EPHB1: variants seen among roughly 807,000 people sequenced by gnomAD.
EPHB1 encodes EPH receptor B1, also known as ephrin type-B receptor 1.
In EPHB1, 30 loss-of-function variants were observed where a neutral mutation model predicts 94.4. The observed-to-expected ratio is 0.32, with a 90% CI of 0.24 to 0.43. EPHB1 has a LOEUF of 0.43. Ranked by LOEUF, EPHB1 falls within the 20% of genes least tolerant of loss-of-function variation. The pLI, the probability that EPHB1 is intolerant of heterozygous loss-of-function variation, is 1.00. For synonymous variants in EPHB1, 522 were observed against 489.1 expected, an observed-to-expected ratio of 1.07 and a Z score of -0.89; for missense variants, 1,055 against 1,308.3, an observed-to-expected ratio of 0.81 and a Z score of 2.99.
At chr3:135,132,608 G>A in intron 4 of EPHB1, 106 bp from the exon 5 acceptor site, 1 of 961,732 alleles carries the variant, frequency 1.0e-6, no homozygotes, top group Non-Finnish European at 1.5e-6. Flanking sequence ...AGGAGTGGGA[G>A]GCGAGCGCAC....
intron 3 of EPHB1, among the ~76,000 whole-genome samples, chr3:135,072,197 A>G (rs901554765): frequency 1.3e-5 from 2 of 152,152 alleles, no homozygotes; most frequent in African/African-American, 4.8e-5. Flanking sequence ...CCTGGCCAAC[A>G]TGGTGAAACC....
intron 1 of EPHB1, among the ~76,000 whole-genome samples, chr3:134,901,999 G>A (rs902168838): frequency 6.6e-6 from 1 of 152,214 alleles, no homozygotes; most frequent in African/African-American, 2.4e-5. Context: ...TGGAGGAGGA[G>A]GGAAAGGGAG....
At chr3:134,930,310 G>A (rs907813645) in intron 2 of EPHB1, among the ~76,000 whole-genome samples, 13 of 152,220 alleles carry the variant, frequency 8.5e-5, no homozygotes, top group Non-Finnish European at 1.9e-4. Flanking sequence ...CAGAAAGTAC[G>A]CCCAGATTAA....
chr3:134,961,514 A>G (rs1452992654), intron 3 of EPHB1, among the ~76,000 whole-genome samples: 2 of 152,216 alleles, frequency 1.3e-5, no homozygotes, highest in East Asian at 3.8e-4. Context: ...CATTTTGAAC[A>G]GGTAATATAT....
intron 1 of EPHB1, among the ~76,000 whole-genome samples, chr3:134,887,679 T>A (rs1404215693): frequency 6.6e-6 from 1 of 152,212 alleles, no homozygotes; most frequent in African/African-American, 2.4e-5. Context: ...TAAAGGAAAC[T>A]CAAGCTTTTG....
chr3:134,811,559 T>C (rs2036181087), intron 1 of EPHB1, among the ~76,000 whole-genome samples: 1 of 149,458 alleles, frequency 6.7e-6, no homozygotes, highest in Admixed American at 6.7e-5. Context: ...TTTTAAGACT[T>C]TTTTTTTTTC....
intron 5 of EPHB1, among the ~76,000 whole-genome samples, chr3:135,138,476 T>A (rs1015359059): frequency 2.0e-5 from 3 of 152,200 alleles, no homozygotes; most frequent in Non-Finnish European, 4.4e-5. Context: ...GATATTGCAA[T>A]ATATTGAGCT....
At position 135,256,579 on chromosome 3, in the gene EPHB1, G is replaced by A. The variant is rs533033210; in HGVS notation, c.2847-2433G>A. Among the ~76,000 whole-genome samples, 107 of 152,278 alleles carry A rather than the reference G, an allele frequency of 7.0e-4. 1 individual carries two copies. In the South Asian group the frequency reaches 9.1e-3, roughly 13 times the overall value. On this transcript the variant is annotated intron_variant, in intron 15 of 15. Transcript: ENST00000398015. The stretch of plus-strand genomic sequence containing the variant: ...TCTTCTGACTTGTAGGGTTTCTGCC[G>A]AGAGATCTGCTGTTAGTCTGATGGG...
rs147494499 is a variant in EPHB1, at chr3:134,925,655, G to A, written c.59-161G>A. Among the ~76,000 whole-genome samples the A allele has an allele frequency of 9.7e-4, 147 of 152,250 alleles. 1 individual carries two copies. The East Asian group carries it at 0.028, about 29-fold the overall frequency. On this transcript the variant is annotated intron_variant, in intron 1 of 15. Transcript: ENST00000398015. Reference sequence around the variant, plus strand: ...TTGGCGGGCTTCTTTTGCTATCTGAGCCTTGGGCTTCACAGAGAGACCTGG... The same window carrying A: ...TTGGCGGGCTTCTTTTGCTATCTGAACCTTGGGCTTCACAGAGAGACCTGG...
At chr3:135,011,117 A>G (rs4102409) in intron 3 of EPHB1, among the ~76,000 whole-genome samples, 17,272 of 152,142 alleles carry the variant, frequency 0.11, 1,159 homozygotes, top group African/African-American at 0.17. Context: ...TGCAGGGGCA[A>G]CCTGCCTGGG....
At chr3:135,086,267 G>T (rs1016548412) in intron 3 of EPHB1, among the ~76,000 whole-genome samples, 1 of 151,670 alleles carries the variant, frequency 6.6e-6, no homozygotes, top group Admixed American at 6.6e-5. Flanking sequence ...GACCTCTGAC[G>T]GTGGGATGGA....
Position 134,951,523 on chromosome 3 carries a change from T to C in EPHB1, c.276T>C (p.Thr92=), listed in dbSNP as rs751920704. The C allele has an allele frequency of 1.5e-5, 25 of 1,613,904 alleles. No individual in the cohort carries two copies. Among genetic ancestry groups the C allele is most frequent in the Admixed American group, 3.3e-5 (2 of 60,012 alleles). The change falls in exon 3 of 16, where the codon ACT becomes ACC. Residue 92 remains threonine (T), a synonymous_variant. Transcript: ENST00000398015. The surrounding 1 kb of genome is among the most constrained non-coding windows in gnomAD (Gnocchi z 4.5). ...AHRIYTEMRF[T]VRDCSSLPNV... is the part of the protein sequence containing the mutation. ...GCATCTACACAGAGATGCGCTTCAC[T>C]GTGAGAGACTGCAGCAGCCTCCCTA...
intron 3 of EPHB1, among the ~76,000 whole-genome samples, chr3:134,974,265 C>G (rs544102154): frequency 3.3e-5 from 5 of 152,094 alleles, no homozygotes; most frequent in Non-Finnish European, 7.4e-5. Flanking sequence ...CATACACACA[C>G]GGGCCCCAAA....
At chr3:134,977,610 T>C (rs982497276) in intron 3 of EPHB1, among the ~76,000 whole-genome samples, 2 of 152,120 alleles carry the variant, frequency 1.3e-5, no homozygotes, top group African/African-American at 4.8e-5. Context: ...GCCCCCTGAC[T>C]TGCTCCTGGT....
At chr3:135,228,790 A>G (rs1180831533) in intron 12 of EPHB1, among the ~76,000 whole-genome samples, 1 of 151,862 alleles carries the variant, frequency 6.6e-6, no homozygotes, top group African/African-American at 2.4e-5. Flanking sequence ...ATGCTCTGGG[A>G]AAGTAAAACA....
intron 1 of EPHB1, among the ~76,000 whole-genome samples, chr3:134,856,711 A>C (rs1300625766): frequency 6.6e-6 from 1 of 152,256 alleles, no homozygotes; most frequent in African/African-American, 2.4e-5. Flanking sequence ...AAAAAACAAG[A>C]AATGTCTTGA....
intron 7 of EPHB1, among the ~76,000 whole-genome samples, chr3:135,165,358 G>C (rs568560929): frequency 1.3e-5 from 2 of 152,286 alleles, no homozygotes; most frequent in South Asian, 4.1e-4. Flanking sequence ...CTGCCTCTAT[G>C]ACCCGTAGGC....
intron 3 of EPHB1, among the ~76,000 whole-genome samples, chr3:134,982,166 G>A (rs918572918): frequency 2.0e-5 from 3 of 152,118 alleles, no homozygotes; most frequent in Non-Finnish European, 2.9e-5. Flanking sequence ...TAATGCTCAC[G>A]CAATTTTTTT....
In EPHB1 at chr3:134,948,339, A is replaced by T. The variant is rs149852647; in HGVS notation, c.124-3032A>T. On this transcript the variant is annotated intron_variant, in intron 2 of 15. Coordinates refer to ENST00000398015, the MANE Select transcript of EPHB1 (RefSeq NM_004441.5). ...ACAATAGCAGAACAGTAAAAAAAAA[A>T]AAAAATTTCCTTTCCTCAAGTCATG... Among the ~76,000 whole-genome samples, 105 of 152,068 alleles carry T rather than the reference A, an allele frequency of 6.9e-4. 1 individual carries two copies. In the East Asian group the frequency reaches 0.02, roughly 29 times the overall value.
Sources: gnomAD v4.1 joint callset for allele counts (sites outside exome capture counted in the v4.1 genomes callset) on GRCh38, gnomAD v4.1.1 for gene constraint, Gnocchi (gnomAD v3.1) non-coding constraint, MANE v1.5 for transcripts, NCBI Gene and HGNC (gene_info 2026-07-23, HGNC 2026-07-21) for gene names.